Variants in FGD6 observed in about 807,000 individuals in gnomAD.
FGD6 encodes the protein FYVE, RhoGEF and PH domain containing 6.
In FGD6, 90 loss-of-function variants were observed where a neutral mutation model predicts 149.4. That is an observed-to-expected ratio of 0.60 (90% CI 0.51 to 0.72). The LOEUF (loss-of-function observed/expected upper bound fraction) is 0.72, where lower values mean the gene tolerates loss of function less well. Among genes scored for constraint, FGD6 ranks in the 30% least tolerant of loss-of-function variants. The pLI is 0.00. For synonymous variants in FGD6, 527 were observed against 584.0 expected (o/e 0.90, Z 1.41); for missense variants, 1,437 against 1,684.8 (o/e 0.85, Z 2.57).
chr12:95,177,450 A>C (rs1881163827), intron 2 of FGD6, among the ~76,000 whole-genome samples: 1 of 152,214 alleles, frequency 6.6e-6, no homozygotes, highest in Non-Finnish European at 1.5e-5. Context: ...TGAAGAAAGA[A>C]GTTCTTTCCA....
chr12:95,134,452 C>A (rs944603729), intron 8 of FGD6, among the ~76,000 whole-genome samples: 1 of 151,940 alleles, frequency 6.6e-6, no homozygotes, highest in Non-Finnish European at 1.5e-5. Flanking sequence ...AAATGATGCA[C>A]GGGTATGGGC....
Position 95,210,387 on chromosome 12 carries a change from A to T in FGD6, c.897T>A (p.Gly299=). 1 of 1,613,690 alleles carries T rather than the reference A, an allele frequency of 6.2e-7. No individual in the cohort carries two copies. The highest frequency in any genetic ancestry group is 1.1e-5 in the South Asian group (1 of 90,934). ...VSKKSEVKDL[G]PLEIHLVPYT... ...ATGGTACTAAATGAATTTCTAAGGG[A>T]CCAAGGTCTTTGACTTCTGATTTCT... The change falls in exon 2 of 21, where the codon GGT becomes GGA. Residue 299 remains glycine (G), a synonymous_variant. Transcript: ENST00000343958.
rs1877514682 is a variant in FGD6 at position 95,076,996 on chromosome 12, AG to A, written c.*4523del. 6.6e-6 allele frequency: 1 copy of A among 152,154 alleles called. No individual in the cohort carries two copies. Among genetic ancestry groups the A allele is most frequent in the African/African-American group, 2.4e-5 (1 of 41,440 alleles). The allele number at this position is 152,154 out of a possible 1,614,324, so 9.4% of individuals were successfully genotyped here. A position where few individuals can be genotyped will look rare whatever the true frequency, so the allele number is the denominator to read the frequency against. ...CCTTCATTCCTTCCCCCAACTCCAAAGGGAAAGGAATTTGATATTTAGGCTT... is the reference window on the plus strand; with the variant it reads ...CCTTCATTCCTTCCCCCAACTCCAAAGGAAAGGAATTTGATATTTAGGCTT... On this transcript the variant is annotated 3_prime_UTR_variant, in exon 21 of 21. Transcript: ENST00000343958.
At chr12:95,101,745 C>T (rs61938195) in intron 14 of FGD6, among the ~76,000 whole-genome samples, 14,606 of 134,448 alleles carry the variant, frequency 0.11, 1,033 homozygotes, top group African/African-American at 0.21. Flanking sequence ...TGCAGTGGTG[C>T]GATCTCGGCT....
chr12:95,210,457 T>C lies in FGD6; in HGVS notation c.827A>G (p.Glu276Gly), dbSNP rs77642937. 9.4e-4 allele frequency: 1,517 copies of C among 1,614,144 alleles called. 5 individuals carry two copies. In the Middle Eastern group the frequency reaches 0.021, roughly 23 times the overall value. Residue 276 changes from glutamate to glycine, a missense_variant, in exon 2 of 21, where the codon GAA becomes GGA. Around this residue, in one of 2 missense-constraint regions of FGD6, gnomAD observed 1,055 missense variants for 1,146.0 expected, o/e 0.92. Transcript: ENST00000343958. Reference protein sequence around the residue: ...CFQSSELEALENGKRSTLISS... With the variant: ...CFQSSELEALGNGKRSTLISS... ...TATTAAAGTACTCCTTTTCCCATTT[T>C]CCAGAGCCTCTAGTTCAGATGACTG...
chr12:95,209,261 G>T lies in FGD6; in HGVS notation c.2023C>A (p.Gln675Lys), dbSNP rs1462657298. 1 of 1,613,960 alleles carries T rather than the reference G, an allele frequency of 6.2e-7. No homozygotes were observed. The highest frequency in any genetic ancestry group is 1.3e-5 in the African/African-American group (1 of 74,864). ...TTCTCCTCTCCTACCAACAAGCCTT[G>T]CCAATCACTTTCAATCCCCTTCTGC... ...GEQKGIESDWQGLLVGEEKRS... is the reference protein window; with the variant it reads ...GEQKGIESDWKGLLVGEEKRS... Residue 675 changes from glutamine (Q) to lysine (K), a missense_variant, in exon 2 of 21, where the codon CAA (glutamine) becomes AAA (lysine). Transcript: ENST00000343958.
chr12:95,141,454 T>A lies in FGD6; in HGVS notation c.2771A>T (p.Tyr924Phe). Residue 924 changes from tyrosine to phenylalanine, a missense_variant, in exon 6 of 21, where the codon TAC becomes TTC. Physicochemically the swap from Tyr to Phe is conservative, Grantham distance 22 (BLOSUM62 3). Coordinates refer to ENST00000343958, the MANE Select transcript of FGD6 (RefSeq NM_018351.4). ...GTTGAGCTCATACAGCTGAGGCAAG[T>A]AGTATAGGATCTGATTTAGAATCCG... ...EDRILNQILY[Y>F]LPQLYELNRD... The A allele has an allele frequency of 6.2e-7, 1 of 1,614,166 alleles. No homozygotes were observed.
At chr12:95,166,809 T>G (rs936076973) in intron 3 of FGD6, among the ~76,000 whole-genome samples, 1 of 152,016 alleles carries the variant, frequency 6.6e-6, no homozygotes, top group African/African-American at 2.4e-5. Flanking sequence ...TATAAAGCAT[T>G]TAGTTTATCC....
chr12:95,194,416 G>T (rs941893319), intron 2 of FGD6, among the ~76,000 whole-genome samples: 8 of 125,728 alleles, frequency 6.4e-5, no homozygotes, highest in Non-Finnish European at 1.2e-4. Flanking sequence ...TGTATTTTCA[G>T]TAGAGTCGGG....
chr12:95,094,241 T>A (rs1878166716), intron 15 of FGD6, among the ~76,000 whole-genome samples: 1 of 151,924 alleles, frequency 6.6e-6, no homozygotes, highest in Non-Finnish European at 1.5e-5. Context: ...TTAGCTACAA[T>A]CTAAAAATTT....
intron 3 of FGD6, among the ~76,000 whole-genome samples, chr12:95,169,422 T>C (rs1432424268): frequency 1.3e-5 from 2 of 151,126 alleles, no homozygotes; most frequent in African/African-American, 4.8e-5. Flanking sequence ...TTAACAGGGC[T>C]ACTGCAATAT....
rs1475170584 is a variant in FGD6, at chr12:95,080,611, A to G, written c.*909T>C. 1 of 152,186 alleles carries G rather than the reference A, an allele frequency of 6.6e-6. No homozygotes were observed. The highest frequency in any genetic ancestry group is 2.4e-5 in the African/African-American group (1 of 41,452). 9.4% of individuals were successfully genotyped at this position (152,186 alleles called of 1,614,324 possible). A position where few individuals can be genotyped will look rare whatever the true frequency, so the allele number is the denominator to read the frequency against. On this transcript the variant is annotated 3_prime_UTR_variant, in exon 21 of 21. Transcript: ENST00000343958. ...ATTCCAGTTCCATTTGTAATGCACA[A>G]TATTTTTGGAAATGTAACATTACTT...
At chr12:95,082,654 C>CA (rs71075900) in intron 20 of FGD6, among the ~76,000 whole-genome samples, 4,075 of 67,556 alleles carry the variant, frequency 0.06, 197 homozygotes, top group Middle Eastern at 0.092. Flanking sequence ...GAGACTGTCT[C>CA]AAAAAAAAAA....
At chr12:95,152,286 C>A (rs4077235) in intron 5 of FGD6, among the ~76,000 whole-genome samples, 11,647 of 152,108 alleles carry the variant, frequency 0.077, 610 homozygotes, top group East Asian at 0.25. Context: ...TAAGATCGCA[C>A]CACTGCACCC....
chr12:95,160,578 T>C (rs1005378464), intron 3 of FGD6, among the ~76,000 whole-genome samples: 1 of 152,224 alleles, frequency 6.6e-6, no homozygotes, highest in Non-Finnish European at 1.5e-5. Context: ...CAGGTGCAAC[T>C]GTTTGAAGGC....
chr12:95,119,988 T>C (rs1281957092), intron 8 of FGD6, among the ~76,000 whole-genome samples: 1 of 152,062 alleles, frequency 6.6e-6, no homozygotes, highest in African/African-American at 2.4e-5. Context: ...CCCAGCACTT[T>C]GGGAGGCTGA....
intron 2 of FGD6, among the ~76,000 whole-genome samples, chr12:95,194,164 A>C (rs1371564221): frequency 6.6e-6 from 1 of 151,740 alleles, no homozygotes. Flanking sequence ...GGCTCAAATG[A>C]TGTTCCTTCC....
At chr12:95,113,612 CATAAT>C (rs1280522968) in intron 9 of FGD6, 34 bp downstream of exon 9, 1 of 1,463,558 alleles carries the variant, frequency 6.8e-7, no homozygotes, top group Non-Finnish European at 9.4e-7. Context: ...CCTAAATAAA[CATAAT>C]ATAAAAACTT....
chr12:95,166,505 T>C (rs1166143950), intron 3 of FGD6, among the ~76,000 whole-genome samples: 1 of 152,012 alleles, frequency 6.6e-6, no homozygotes, highest in African/African-American at 2.4e-5. Flanking sequence ...AGCCAGGAGT[T>C]GGATGCCAGC....
Sources: allele counts gnomAD v4.1 joint callset (sites outside exome capture counted in the v4.1 genomes callset), GRCh38; gene constraint gnomAD v4.1.1; regional missense constraint gnomAD v4.1.1; transcripts MANE v1.5; gene names NCBI Gene and HGNC (gene_info 2026-07-23, HGNC 2026-07-21).